MAP3K5: variants seen among roughly 807,000 people sequenced by gnomAD.
The protein encoded by MAP3K5 is mitogen-activated protein kinase kinase kinase 5.
In MAP3K5, 56 loss-of-function variants were observed where a neutral mutation model predicts 158.7. The observed-to-expected ratio is 0.35, with a 90% CI of 0.28 to 0.44. The LOEUF (loss-of-function observed/expected upper bound fraction) is 0.44. Among genes scored for constraint, MAP3K5 ranks in the 20% least tolerant of loss-of-function variants. The pLI is 1.00. For synonymous variants in MAP3K5, 579 were observed against 601.7 expected (o/e 0.96, Z 0.55); for missense variants, 1,294 against 1,674.8 (o/e 0.77, Z 3.97).
At chr6:136,581,810 G>T (rs1485276675) in intron 24 of MAP3K5, among the ~76,000 whole-genome samples, 1 of 152,180 alleles carries the variant, frequency 6.6e-6, no homozygotes, top group East Asian at 1.9e-4. Flanking sequence ...GGCTGGACAT[G>T]GTGGCTCACG....
At chr6:136,654,675 A>G (rs1397030624) in intron 10 of MAP3K5, among the ~76,000 whole-genome samples, 2 of 152,166 alleles carry the variant, frequency 1.3e-5, no homozygotes, top group African/African-American at 4.8e-5. Flanking sequence ...CAAACTCCCA[A>G]CCTCAGGTGA....
At chr6:136,726,242 G>A (rs1413258745) in intron 1 of MAP3K5, among the ~76,000 whole-genome samples, 2 of 152,142 alleles carry the variant, frequency 1.3e-5, no homozygotes. Flanking sequence ...GATTTTGATT[G>A]GAATTGTGTT....
intron 15 of MAP3K5, among the ~76,000 whole-genome samples, chr6:136,620,692 T>A (rs1326612560): frequency 2.6e-5 from 4 of 152,228 alleles, no homozygotes; most frequent in Non-Finnish European, 5.9e-5. Flanking sequence ...AATAATCCAA[T>A]CTTCTCTCTT....
intron 1 of MAP3K5, among the ~76,000 whole-genome samples, chr6:136,756,038 T>G (rs1241849982): frequency 1.3e-5 from 2 of 151,812 alleles, no homozygotes. Flanking sequence ...GCTAGAAATA[T>G]GTACTTGAAA....
chr6:136,703,484 C>T (rs560286436), intron 3 of MAP3K5, among the ~76,000 whole-genome samples: 2 of 152,360 alleles, frequency 1.3e-5, no homozygotes, highest in East Asian at 3.9e-4. Flanking sequence ...TACACATGTG[C>T]TTGTTTCCAC....
At position 136,639,634 on chromosome 6, in the gene MAP3K5, A is replaced by G; in HGVS notation, c.1843T>C (p.Ser615Pro). The G allele has an allele frequency of 6.4e-7, 1 of 1,551,184 alleles. No homozygotes were observed. Among genetic ancestry groups the G allele is most frequent in the Non-Finnish European group, 8.8e-7 (1 of 1,134,006 alleles). ...SASSVRGVSI[S>P]KFEERCCFLY... Reference sequence around the variant, plus strand: ...AAGCAGCATCTTTCTTCAAATTTAGAAATACTGAAACCAACAAACAAAAAG... The same window carrying G: ...AAGCAGCATCTTTCTTCAAATTTAGGAATACTGAAACCAACAAACAAAAAG... Residue 615 changes from serine to proline, a missense_variant, in exon 13 of 30, where the codon TCT (serine) becomes CCT (proline). Transcript: ENST00000359015.
chr6:136,577,475 G>A (rs992100310), intron 25 of MAP3K5, among the ~76,000 whole-genome samples: 1 of 152,156 alleles, frequency 6.6e-6, no homozygotes, highest in Admixed American at 6.5e-5. Flanking sequence ...AACTCCTAGT[G>A]GCCTCAAAGA....
Position 136,584,572 on chromosome 6 carries a change from G to C in MAP3K5, c.3226-832C>G, listed in dbSNP as rs75712125. 0.012 allele frequency: 1,869 copies of C among 152,278 alleles called. 90 individuals are homozygous for C. The East Asian group carries it at 0.14, about 11-fold the overall frequency. 9.4% of individuals were successfully genotyped at this position (152,278 alleles called of 1,614,324 possible). On this transcript the variant is annotated intron_variant, in intron 23 of 29. Transcript: ENST00000359015. ...CATTCATTATCACAAGAACAGCACA[G>C]GAAAGACCTGCCCCCATAATTCAAT...
At chr6:136,745,996 A>C (rs1725884002) in intron 1 of MAP3K5, among the ~76,000 whole-genome samples, 1 of 152,192 alleles carries the variant, frequency 6.6e-6, no homozygotes, top group African/African-American at 2.4e-5. Context: ...CATAGCCTGG[A>C]AACAGGGTCA....
chr6:136,754,542 C>A (rs1281539693), intron 1 of MAP3K5, among the ~76,000 whole-genome samples: 3 of 151,024 alleles, frequency 2.0e-5, no homozygotes, highest in Non-Finnish European at 4.4e-5. Context: ...ATGGCATGCA[C>A]CACTGCACTC....
At chr6:136,646,370 G>C (rs568826910) in intron 11 of MAP3K5, among the ~76,000 whole-genome samples, 11 of 152,208 alleles carry the variant, frequency 7.2e-5, no homozygotes, top group African/African-American at 2.2e-4. Flanking sequence ...TATAAAAATT[G>C]TCTCTATGAT....
chr6:136,774,817 A>G (rs1279014657), intron 1 of MAP3K5, among the ~76,000 whole-genome samples: 2 of 152,242 alleles, frequency 1.3e-5, no homozygotes, highest in Non-Finnish European at 2.9e-5. Flanking sequence ...CAAGACAGAA[A>G]AAGAGACATG....
In MAP3K5 at chr6:136,792,029, C is replaced by T. The variant is rs759869674; in HGVS notation, c.129G>A (p.Glu43=). 1.8e-5 allele frequency: 28 copies of T among 1,562,862 alleles called. No homozygotes were observed. The African/African-American group carries it at 3.4e-4, about 19-fold the overall frequency. ...GGAAAVGEGE[E]HQLPPPPPGS... ...CCGGCGGCGGCGGTGGCAGCTGGTGCTCCTCGCCCTCGCCCACCGCCGCCG... is the reference window on the plus strand; with the variant it reads ...CCGGCGGCGGCGGTGGCAGCTGGTGTTCCTCGCCCTCGCCCACCGCCGCCG... The change falls in exon 1 of 30, where the codon GAG becomes GAA. Residue 43 remains glutamate, a synonymous_variant. Coordinates refer to ENST00000359015, the MANE Select transcript of MAP3K5 (RefSeq NM_005923.4). This position sits in a 1 kb window ranked among gnomAD's most constrained non-coding sequence, Gnocchi z 5.7.
At position 136,637,798 on chromosome 6, in the gene MAP3K5, C is replaced by G. The variant is rs1035673733; in HGVS notation, c.1935-392G>C. On this transcript the variant is annotated intron_variant, in intron 13 of 29. Transcript: ENST00000359015. ...TTCACAGACATAAAGCCGGGAAGCA[C>G]TGTGAACGTGGGCTGATGATCCCAC... Among the ~76,000 whole-genome samples the G allele has an allele frequency of 5.2e-4, 79 of 152,126 alleles. 1 individual carries two copies. The highest frequency in any genetic ancestry group is 1.7e-3 in the African/African-American group (72 of 41,434).
chr6:136,627,228 G>A (rs1163184155), intron 14 of MAP3K5, among the ~76,000 whole-genome samples: 5 of 151,736 alleles, frequency 3.3e-5, no homozygotes, highest in African/African-American at 9.7e-5. Context: ...TATTCTCACC[G>A]GAGTTGCCTC....
intron 8 of MAP3K5, among the ~76,000 whole-genome samples, chr6:136,662,132 C>T (rs759201423): frequency 6.6e-6 from 1 of 152,162 alleles, no homozygotes; most frequent in African/African-American, 2.4e-5. Context: ...CAGTTCTAAA[C>T]GTGGATTTGT....
At position 136,757,586 on chromosome 6, in the gene MAP3K5, ATTTT is replaced by A. The variant is rs897486770; in HGVS notation, c.448+34120_448+34123del. 7.1e-4 allele frequency among the ~76,000 whole-genome samples: 91 copies of A among 127,790 alleles called. No individual in the cohort carries two copies. The East Asian group carries it at 0.014, about 20-fold the overall frequency. 83.8% of individuals were successfully genotyped at this position (127,790 alleles called of 152,430 possible). ...TTATAGATTTATTTATTTATTTTTTATTTTTTTTTTTTTTTTTTGAGACGGAGTT... is the reference window on the plus strand; with the variant it reads ...TTATAGATTTATTTATTTATTTTTTATTTTTTTTTTTTTTGAGACGGAGTT... On this transcript the variant is annotated intron_variant, in intron 1 of 29. Coordinates refer to ENST00000359015, the MANE Select transcript of MAP3K5 (RefSeq NM_005923.4).
intron 1 of MAP3K5, among the ~76,000 whole-genome samples, chr6:136,784,868 G>C (rs1275454622): frequency 6.6e-6 from 1 of 151,982 alleles, no homozygotes. Context: ...ATGGCAATAG[G>C]TGGCTGGTTG....
At chr6:136,695,320 G>A (rs1459049850) in intron 6 of MAP3K5, among the ~76,000 whole-genome samples, 2 of 151,962 alleles carry the variant, frequency 1.3e-5, no homozygotes, top group Non-Finnish European at 2.9e-5. Context: ...TTGTATTTTA[G>A]TAGAGACGGG....
Sources: gnomAD v4.1 joint callset for allele counts (sites outside exome capture counted in the v4.1 genomes callset) on GRCh38, gnomAD v4.1.1 for gene constraint, Gnocchi (gnomAD v3.1) non-coding constraint, MANE v1.5 for transcripts, NCBI Gene and HGNC (gene_info 2026-07-23, HGNC 2026-07-21) for gene names.